The following ARHGAP29 variants were observed in gnomAD, a reference collection of about 807,000 sequenced individuals.
ARHGAP29 encodes the protein rho GTPase-activating protein 29.
ARHGAP29 carries 43 observed loss-of-function variants against 122.6 expected under a neutral mutation model. The ratio of observed to expected loss-of-function variants is 0.35; its 90% CI spans 0.27 to 0.45. The LOEUF is 0.45. Among genes scored for constraint, ARHGAP29 ranks in the 20% least tolerant of loss-of-function variants. ARHGAP29 has a pLI of 1.00. For synonymous variants in ARHGAP29, 506 were observed against 497.1 expected, an observed-to-expected ratio of 1.02 and a Z score of -0.24; for missense variants, 1,303 against 1,477.2, an observed-to-expected ratio of 0.88 and a Z score of 1.93.
the ARHGAP29 span, among the ~76,000 whole-genome samples, chr1:94,283,121 C>T: frequency 1.3e-5 from 2 of 152,142 alleles, no homozygotes; most frequent in Non-Finnish European, 2.9e-5. Context: ...TTCTAAACTG[C>T]CAACGCCAAC....
chr1:94,186,934 T>A (rs1649839649), intron 15 of ARHGAP29, among the ~76,000 whole-genome samples: 1 of 152,222 alleles, frequency 6.6e-6, no homozygotes, highest in Non-Finnish European at 1.5e-5. Context: ...ACCTAATATG[T>A]GACAGAGTAG....
chr1:94,313,251 A>G, the ARHGAP29 span, among the ~76,000 whole-genome samples: 3 of 152,026 alleles, frequency 2.0e-5, no homozygotes, highest in Non-Finnish European at 4.4e-5. Context: ...CTAGTTATCC[A>G]TCCACATGGC....
At chr1:94,230,971 T>G (rs1176649818) in intron 2 of ARHGAP29, among the ~76,000 whole-genome samples, 1 of 150,376 alleles carries the variant, frequency 6.6e-6, no homozygotes, top group African/African-American at 2.4e-5. Context: ...AAAAAAAAAA[T>G]GCAGTCATTT....
intron 15 of ARHGAP29, among the ~76,000 whole-genome samples, 158 bp downstream of exon 15, chr1:94,188,679 G>A (rs1040681410): frequency 5.3e-5 from 8 of 151,976 alleles, no homozygotes; most frequent in African/African-American, 1.7e-4. Flanking sequence ...CCTGGGTGGC[G>A]AATATATGAG....
At chr1:94,201,945 G>A in intron 11 of ARHGAP29, 88 bp from the exon 12 acceptor site, 1 of 1,214,348 alleles carries the variant, frequency 8.2e-7, no homozygotes, top group South Asian at 1.6e-5. Context: ...TGAAATAACT[G>A]AAAATTCTGA....
chr1:94,247,292 C>G (rs1324489949), intron 1 of ARHGAP29, among the ~76,000 whole-genome samples: 1 of 152,046 alleles, frequency 6.6e-6, no homozygotes, highest in Non-Finnish European at 1.5e-5. Context: ...GGCTGAGACA[C>G]GCTCGGGGAG....
At chr1:94,183,189 T>C (rs1649584537) in intron 19 of ARHGAP29, among the ~76,000 whole-genome samples, 3 of 113,438 alleles carry the variant, frequency 2.6e-5, no homozygotes, top group East Asian at 2.5e-4. Context: ...AGTTATTATA[T>C]GTCAATTAAA....
At chr1:94,312,356 T>C in the ARHGAP29 span, among the ~76,000 whole-genome samples, 105 of 80,060 alleles carry the variant, frequency 1.3e-3, no homozygotes, top group Middle Eastern at 7.6e-3. Context: ...TTTTTATTTG[T>C]TTTTTTTTTT....
chr1:94,242,025 T>C (rs1653608121), upstream of ARHGAP29, among the ~76,000 whole-genome samples: 2 of 151,914 alleles, frequency 1.3e-5, no homozygotes, highest in South Asian at 4.2e-4. Context: ...CCAGAATCTG[T>C]AGGACAGAGT....
At chr1:94,242,569 T>C (rs1339292151), upstream of ARHGAP29, among the ~76,000 whole-genome samples, 1 of 127,284 alleles carries the variant, frequency 7.9e-6, no homozygotes, top group Admixed American at 8.0e-5. Context: ...TCTCCAGAGA[T>C]AAAGTTAATT....
At chr1:94,186,969 T>C (rs1474445275) in intron 15 of ARHGAP29, among the ~76,000 whole-genome samples, 1 of 152,212 alleles carries the variant, frequency 6.6e-6, no homozygotes, top group Non-Finnish European at 1.5e-5. Context: ...AAGTTGTCAT[T>C]AATGTTTGCT....
Position 94,211,287 on chromosome 1 carries a change from CAAAAAAAAAAAAA to C in ARHGAP29, c.341-1950_341-1938del, listed in dbSNP as rs71094285. On this transcript the variant is annotated intron_variant, in intron 3 of 22. Coordinates refer to ENST00000260526, the MANE Select transcript of ARHGAP29 (RefSeq NM_004815.4). ...GGGCGACAGAGCAAGGCTCTGGCTC[CAAAAAAAAAAAAA>C]AAAAAAAAAAAAAGGACATAACAAT... 4.7e-4 allele frequency among the ~76,000 whole-genome samples: 17 copies of C among 35,998 alleles called. No homozygotes were observed. The South Asian group carries it at 0.012, about 26-fold the overall frequency. 23.6% of individuals were successfully genotyped at this position (35,998 alleles called of 152,430 possible).
chr1:94,200,283 CA>C (rs1459084303), intron 12 of ARHGAP29, among the ~76,000 whole-genome samples: 1 of 152,136 alleles, frequency 6.6e-6, no homozygotes, highest in African/African-American at 2.4e-5. Context: ...CACAGATTGT[CA>C]ATAAGCCTTT....
the ARHGAP29 span, among the ~76,000 whole-genome samples, chr1:94,301,508 T>A: frequency 2.6e-5 from 4 of 152,186 alleles, no homozygotes; most frequent in Admixed American, 6.5e-5. Context: ...ATTGCACCCA[T>A]GTGACCGTTC....
At chr1:94,241,397 C>T (rs993674106), upstream of ARHGAP29, among the ~76,000 whole-genome samples, 13 of 152,024 alleles carry the variant, frequency 8.6e-5, no homozygotes, top group African/African-American at 3.1e-4. Context: ...GGGCGGATCA[C>T]CTGAGGTCAG....
At chr1:94,237,722 T>C, upstream of ARHGAP29, 1 of 985,136 alleles carries the variant, frequency 1.0e-6, no homozygotes, top group Non-Finnish European at 1.2e-6. Flanking sequence ...GGCAACTAGC[T>C]CGCGCGCAGA....
chr1:94,217,839 AC>A (rs911689803), intron 3 of ARHGAP29, among the ~76,000 whole-genome samples: 10 of 106,774 alleles, frequency 9.4e-5, no homozygotes, highest in African/African-American at 3.5e-4. Context: ...ACAGAGTGAG[AC>A]CCTATCTCTT....
the ARHGAP29 span, among the ~76,000 whole-genome samples, chr1:94,308,539 T>C: frequency 1.3e-5 from 2 of 152,222 alleles, no homozygotes; most frequent in Admixed American, 6.5e-5. Flanking sequence ...TCTACAGAGA[T>C]GGCACATAAT....
At chr1:94,302,714 C>A in the ARHGAP29 span, 1 of 400,154 alleles carries the variant, frequency 2.5e-6, no homozygotes, top group Non-Finnish European at 4.9e-6. Flanking sequence ...GTGGTGTGGC[C>A]TTCCATGTAC....
Sources: allele counts gnomAD v4.1 joint callset (sites outside exome capture counted in the v4.1 genomes callset), GRCh38; gene constraint gnomAD v4.1.1; transcripts MANE v1.5; gene names NCBI Gene and HGNC (gene_info 2026-07-23, HGNC 2026-07-21).